SPSB1: variants seen among roughly 807,000 people sequenced by gnomAD.
SPSB1 encodes the protein splA/ryanodine receptor domain and SOCS box containing 1, also known as SPRY domain-containing SOCS box protein 1.
Under a neutral mutation model 21.2 loss-of-function variants are expected in SPSB1, and 8 were observed. That is an observed-to-expected ratio of 0.38 (90% confidence interval 0.22 to 0.68). The LOEUF (loss-of-function observed/expected upper bound fraction) is 0.68, where lower values mean the gene tolerates loss of function less well. Ranked by LOEUF, SPSB1 falls within the 30% of genes least tolerant of loss-of-function variation. SPSB1 has a pLI of 0.53. For synonymous variants in SPSB1, 169 were observed against 161.7 expected (o/e 1.05, Z -0.34); for missense variants, 242 against 377.8 (o/e 0.64, Z 2.98).
chr1:9,361,156 CTTTTTTTTT>C (rs57871457), intron 2 of SPSB1, among the ~76,000 whole-genome samples: 6 of 102,578 alleles, frequency 5.8e-5, no homozygotes, highest in East Asian at 5.8e-4. Context: ...CTGTCATTTT[CTTTTTTTTT>C]TTTTTTTTTT....
At chr1:9,336,895 G>A (rs901371390) in intron 1 of SPSB1, among the ~76,000 whole-genome samples, 1 of 152,126 alleles carries the variant, frequency 6.6e-6, no homozygotes, top group African/African-American at 2.4e-5. Flanking sequence ...GTGAGTTTGG[G>A]GAAGGAGCCT....
In SPSB1 at chr1:9,345,042, C is replaced by T. The variant is rs1469860410; in HGVS notation, c.-149-10701C>T. The stretch of plus-strand genomic sequence containing the variant: ...TGCCTTGTTGGGGGAAAGTGGCAGA[C>T]TTTGGATGCACTCCAGCCTCTTCCT... On this transcript the variant is annotated intron_variant, in intron 1 of 2. Transcript: ENST00000328089. This position sits in a 1 kb window ranked among gnomAD's most constrained non-coding sequence, Gnocchi z 4.8. Among the ~76,000 whole-genome samples the T allele has an allele frequency of 6.6e-6, 1 of 152,194 alleles. No individual in the cohort carries two copies. Among genetic ancestry groups the T allele is most frequent in the Non-Finnish European group, 1.5e-5 (1 of 68,042 alleles).
intron 2 of SPSB1, among the ~76,000 whole-genome samples, chr1:9,357,369 A>G (rs1042007192): frequency 2.0e-5 from 3 of 152,200 alleles, no homozygotes; most frequent in African/African-American, 4.8e-5. Context: ...AAATGGATAG[A>G]TGGATGAATT....
intron 1 of SPSB1, among the ~76,000 whole-genome samples, chr1:9,335,183 C>CT (rs1432102927): frequency 6.6e-6 from 1 of 152,044 alleles, no homozygotes; most frequent in African/African-American, 2.4e-5. Context: ...ATTGGGTGAT[C>CT]TTTAAGGTAT....
intron 1 of SPSB1, among the ~76,000 whole-genome samples, chr1:9,297,413 C>T (rs1455915218): frequency 6.6e-6 from 1 of 152,116 alleles, no homozygotes; most frequent in African/African-American, 2.4e-5. Context: ...GTGAACACAC[C>T]TTGCCAGACA....
intron 2 of SPSB1, among the ~76,000 whole-genome samples, chr1:9,361,863 G>T (rs903110613): frequency 6.6e-6 from 1 of 152,222 alleles, no homozygotes; most frequent in Non-Finnish European, 1.5e-5. Flanking sequence ...GGAAAGGCCT[G>T]TTTGCAAGCA....
intron 1 of SPSB1, among the ~76,000 whole-genome samples, chr1:9,340,856 A>T (rs1202255192): frequency 6.6e-6 from 1 of 152,260 alleles, no homozygotes; most frequent in East Asian, 1.9e-4. Flanking sequence ...CAAGGCGAGC[A>T]CATGAAACGC....
chr1:9,361,124 C>T (rs1223676652), intron 2 of SPSB1, among the ~76,000 whole-genome samples: 1 of 142,670 alleles, frequency 7.0e-6, no homozygotes, highest in East Asian at 2.1e-4. Flanking sequence ...CAGATGGAGG[C>T]TCTGGCCAGG....
At position 9,355,844 on chromosome 1, in the gene SPSB1, G is replaced by T. The variant is rs751833381; in HGVS notation, c.-48G>T. ...ATACTGGAGACGAGACCACGAGATT[G>T]ATGAGTTTGCCTTGGGAGTCGGTAA... is the stretch of plus-strand genomic sequence containing the variant. On this transcript the variant is annotated 5_prime_UTR_variant, in exon 2 of 3. Coordinates refer to ENST00000328089, the MANE Select transcript of SPSB1 (RefSeq NM_025106.4). 2 of 1,517,752 alleles carry T rather than the reference G, an allele frequency of 1.3e-6. No individual in the cohort carries two copies. The highest frequency in any genetic ancestry group is 2.6e-5 in the South Asian group (2 of 75,548). The allele number at this position is 1,517,752 out of a possible 1,614,324, so 94.0% of individuals were successfully genotyped here. A position where few individuals can be genotyped will look rare whatever the true frequency, so the allele number is the denominator to read the frequency against.
At chr1:9,320,218 T>C (rs895375493) in intron 1 of SPSB1, among the ~76,000 whole-genome samples, 1 of 152,212 alleles carries the variant, frequency 6.6e-6, no homozygotes, top group African/African-American at 2.4e-5. Flanking sequence ...GAGCACCCAC[T>C]GTGTGCCAAG....
intron 2 of SPSB1, among the ~76,000 whole-genome samples, chr1:9,359,859 T>A (rs951026144): frequency 7.4e-5 from 1 of 13,446 alleles, no homozygotes; most frequent in Admixed American, 1.1e-3. Context: ...GGGGGGTGGG[T>A]GGCGGGGGCG....
chr1:9,325,217 C>T (rs1639796082), intron 1 of SPSB1, among the ~76,000 whole-genome samples: 1 of 25,586 alleles, frequency 3.9e-5, no homozygotes, highest in Non-Finnish European at 3.7e-4. Flanking sequence ...CCAATGCCTC[C>T]CACCACCACC....
At chr1:9,331,321 G>GTTTTTTT (rs34199175) in intron 1 of SPSB1, among the ~76,000 whole-genome samples, 3 of 53,704 alleles carry the variant, frequency 5.6e-5, no homozygotes, top group Non-Finnish European at 9.8e-5. Flanking sequence ...TGGTGCTCTT[G>GTTTTTTT]TTTTTTTTTT....
At chr1:9,325,376 G>T (rs1204609643) in intron 1 of SPSB1, among the ~76,000 whole-genome samples, 1 of 152,216 alleles carries the variant, frequency 6.6e-6, no homozygotes, top group Non-Finnish European at 1.5e-5. Context: ...TGAATGAGGG[G>T]CCTGGAAGGC....
chr1:9,348,175 C>T lies in SPSB1; in HGVS notation c.-149-7568C>T, dbSNP rs1419956232. On this transcript the variant is annotated intron_variant, in intron 1 of 2. Coordinates refer to ENST00000328089, the MANE Select transcript of SPSB1 (RefSeq NM_025106.4). The surrounding 1 kb of genome is among the most constrained non-coding windows in gnomAD (Gnocchi z 4.8). ...GGCCAGACTGGTCTCAAACTCCTGA[C>T]CTCAGGTGATCTGCCCACCTCGGCC... Among the ~76,000 whole-genome samples, 1 of 151,918 alleles carries T rather than the reference C, an allele frequency of 6.6e-6. No homozygotes were observed. Among genetic ancestry groups the T allele is most frequent in the Non-Finnish European group, 1.5e-5 (1 of 68,006 alleles).
intron 2 of SPSB1, among the ~76,000 whole-genome samples, chr1:9,362,195 T>TCCC (rs1640493753): frequency 2.3e-5 from 3 of 128,216 alleles, no homozygotes; most frequent in African/African-American, 8.7e-5. Context: ...CCTCCCTCCC[T>TCCC]TCCTTCCTTC....
rs1406198649 is a variant in SPSB1 at position 9,368,176 on chromosome 1, C to T, written c.*601C>T. 6.5e-6 allele frequency: 1 copy of T among 153,958 alleles called. No individual in the cohort carries two copies. Among genetic ancestry groups the T allele is most frequent in the Non-Finnish European group, 1.5e-5 (1 of 68,960 alleles). The allele number at this position is 153,958 out of a possible 1,614,324, so 9.5% of individuals were successfully genotyped here. A position where few individuals can be genotyped will look rare whatever the true frequency, so the allele number is the denominator to read the frequency against. ...ATCCTGGCTGCCGGTGCCCCGTACCCTGTATTTATTCTTTTAACAATAACA... is the reference window on the plus strand; with the variant it reads ...ATCCTGGCTGCCGGTGCCCCGTACCTTGTATTTATTCTTTTAACAATAACA... On this transcript the variant is annotated 3_prime_UTR_variant, in exon 3 of 3. Coordinates refer to ENST00000328089, the MANE Select transcript of SPSB1 (RefSeq NM_025106.4).
At position 9,363,315 on chromosome 1, in the gene SPSB1, A is replaced by G. The variant is rs1640508481; in HGVS notation, c.695-4133A>G. ...GTGACTCTGGTCCTATTTTCAGCTC[A>G]TAACACATCACTGCAGCCATTCACT... On this transcript the variant is annotated intron_variant, in intron 2 of 2. Coordinates refer to ENST00000328089, the MANE Select transcript of SPSB1 (RefSeq NM_025106.4). This position sits in a 1 kb window ranked among gnomAD's most constrained non-coding sequence, Gnocchi z 4.5. Among the ~76,000 whole-genome samples, 1 of 152,078 alleles carries G rather than the reference A, an allele frequency of 6.6e-6. No individual in the cohort carries two copies. Among genetic ancestry groups the G allele is most frequent in the Non-Finnish European group, 1.5e-5 (1 of 68,016 alleles).
At chr1:9,303,463 AT>A (rs1165574249) in intron 1 of SPSB1, among the ~76,000 whole-genome samples, 1 of 152,234 alleles carries the variant, frequency 6.6e-6, no homozygotes, top group African/African-American at 2.4e-5. Context: ...TTTCCTCCCT[AT>A]TTTGTTCAGA....
Sources: allele counts gnomAD v4.1 joint callset (sites outside exome capture counted in the v4.1 genomes callset), GRCh38; gene constraint gnomAD v4.1.1; non-coding constraint Gnocchi (gnomAD v3.1); transcripts MANE v1.5; gene names NCBI Gene and HGNC (gene_info 2026-07-23, HGNC 2026-07-21).